The following CASD1 variants were observed in gnomAD, a reference collection of about 807,000 sequenced individuals.
CASD1 encodes the protein CAS1 domain sialic acid O acetyltransferase 1.
A neutral mutation model predicts 100.0 loss-of-function variants in CASD1; 41 were observed. The observed-to-expected ratio is 0.41, with a 90% CI of 0.32 to 0.53. CASD1 has a LOEUF of 0.53. Ranked by LOEUF, CASD1 falls within the 20% of genes least tolerant of loss-of-function variation. The pLI is 0.25. For missense variants in CASD1, 774 were observed against 948.7 expected, an observed-to-expected ratio of 0.82 and a Z score of 2.42; for synonymous variants, 321 against 315.6, an observed-to-expected ratio of 1.02 and a Z score of -0.18.
chr7:94,539,241 T>A (rs967030022), intron 10 of CASD1, among the ~76,000 whole-genome samples, 185 bp downstream of exon 10: 1 of 152,108 alleles, frequency 6.6e-6, no homozygotes, highest in African/African-American at 2.4e-5. Context: ...CAAAGCAAAA[T>A]TTTTTTTAAA....
intron 3 of CASD1, among the ~76,000 whole-genome samples, chr7:94,520,231 T>C (rs1247774967): frequency 6.6e-6 from 1 of 152,220 alleles, no homozygotes. Flanking sequence ...AAATTACATA[T>C]CATCATTATT....
chr7:94,530,036 C>T (rs935878113), intron 5 of CASD1, among the ~76,000 whole-genome samples: 15 of 152,010 alleles, frequency 9.9e-5, no homozygotes, highest in Non-Finnish European at 1.3e-4. Flanking sequence ...CACTGGTTAA[C>T]GTTATAGAGA....
chr7:94,581,098 C>T, the CASD1 span, among the ~76,000 whole-genome samples: 1 of 152,136 alleles, frequency 6.6e-6, no homozygotes, highest in African/African-American at 2.4e-5. Context: ...TGAAAAATAT[C>T]ACTCTCCTAG....
the CASD1 span, among the ~76,000 whole-genome samples, chr7:94,594,927 A>G: frequency 6.6e-6 from 1 of 152,114 alleles, no homozygotes; most frequent in Non-Finnish European, 1.5e-5. Context: ...GGCATGTGCT[A>G]CATCTCCAGG....
At chr7:94,596,850 T>A in the CASD1 span, among the ~76,000 whole-genome samples, 1 of 152,128 alleles carries the variant, frequency 6.6e-6, no homozygotes, top group Non-Finnish European at 1.5e-5. Context: ...GAAGGATATC[T>A]GTCAACATTT....
chr7:94,618,258 A>T, the CASD1 span: 18 of 157,238 alleles, frequency 1.1e-4, no homozygotes, highest in Non-Finnish European at 2.1e-4. Context: ...GGGTTTGCCC[A>T]GTGTCACCCA....
intron 1 of CASD1, among the ~76,000 whole-genome samples, chr7:94,516,445 A>G (rs1197986072): frequency 2.6e-5 from 4 of 152,248 alleles, no homozygotes; most frequent in Non-Finnish European, 4.4e-5. Context: ...CCTTATCTCT[A>G]CCCTGAAATG....
chr7:94,513,008 C>T (rs1221374530), intron 1 of CASD1, among the ~76,000 whole-genome samples: 1 of 152,160 alleles, frequency 6.6e-6, no homozygotes, highest in Non-Finnish European at 1.5e-5. Flanking sequence ...AGGGAGAAAG[C>T]ATTTTCCAGG....
intron 17 of CASD1, among the ~76,000 whole-genome samples, chr7:94,554,905 A>G (rs962859620): frequency 6.6e-6 from 1 of 152,084 alleles, no homozygotes; most frequent in South Asian, 2.1e-4. Context: ...AATGAAATCA[A>G]ACTGAGGGGA....
At chr7:94,590,422 TTAAGAA>T in the CASD1 span, 4 of 152,132 alleles carry the variant, frequency 2.6e-5, no homozygotes, top group African/African-American at 7.2e-5. Context: ...CCAAAGTATA[TTAAGAA>T]TAAGAACCAT....
chr7:94,580,343 C>A, the CASD1 span, among the ~76,000 whole-genome samples: 1 of 151,910 alleles, frequency 6.6e-6, no homozygotes, highest in Non-Finnish European at 1.5e-5. Flanking sequence ...TTCGTTACTG[C>A]GGCTACACTG....
At chr7:94,532,905 G>T (rs1794920535) in intron 5 of CASD1, among the ~76,000 whole-genome samples, 1 of 152,012 alleles carries the variant, frequency 6.6e-6, no homozygotes, top group Non-Finnish European at 1.5e-5. Flanking sequence ...TTTACTCAGA[G>T]TTCAGAATAT....
At chr7:94,560,267 T>C (rs373281674), downstream of CASD1, among the ~76,000 whole-genome samples, 1 of 152,188 alleles carries the variant, frequency 6.6e-6, no homozygotes, top group South Asian at 2.1e-4. Flanking sequence ...GAGAAAATAG[T>C]GGCAGTTATT....
At chr7:94,537,920 A>G (rs1795196816) in intron 9 of CASD1, 26 bp downstream of exon 9, 1 of 1,259,784 alleles carries the variant, frequency 7.9e-7, no homozygotes, top group East Asian at 2.3e-5. Flanking sequence ...TTTTTAACTC[A>G]TGTTACCCTT....
rs1045403136 is a variant in CASD1 at position 94,537,366 on chromosome 7, G to A, written c.844-106G>A. 21 of 952,546 alleles carry A rather than the reference G, an allele frequency of 2.2e-5. No individual in the cohort carries two copies. The East Asian group carries it at 4.8e-4, about 22-fold the overall frequency. 59.0% of individuals were successfully genotyped at this position (952,546 alleles called of 1,614,324 possible). The stretch of plus-strand genomic sequence containing the variant: ...GGAAATGGTAGCAAAAGATACGAAA[G>A]CATTCTGGTTTCAGTGCTAAAAACT... On this transcript the variant is annotated intron_variant, in intron 8 of 17. Transcript: ENST00000297273.
chr7:94,572,153 T>A, the CASD1 span, among the ~76,000 whole-genome samples: 1 of 150,910 alleles, frequency 6.6e-6, no homozygotes, highest in Non-Finnish European at 1.5e-5. Flanking sequence ...TCAGGGTTGA[T>A]CTTCTCCTGG....
the CASD1 span, among the ~76,000 whole-genome samples, chr7:94,604,847 ATATATATATAT>A: frequency 5.8e-4 from 47 of 80,936 alleles, no homozygotes; most frequent in Non-Finnish European, 1.0e-3. Flanking sequence ...ATATATATAT[ATATATATATAT>A]AATAGTTGTT....
At chr7:94,628,571 A>G in the CASD1 span, 5 of 543,988 alleles carry the variant, frequency 9.2e-6, no homozygotes, top group Non-Finnish European at 9.9e-6. Context: ...ATCTGATGCA[A>G]CAAAGAAAGC....
the CASD1 span, among the ~76,000 whole-genome samples, chr7:94,581,251 TAAA>T: frequency 6.6e-6 from 1 of 152,306 alleles, no homozygotes; most frequent in African/African-American, 2.4e-5. Flanking sequence ...TGGTACCAAC[TAAA>T]AATCTCACTG....
Sources: allele counts gnomAD v4.1 joint callset (sites outside exome capture counted in the v4.1 genomes callset), GRCh38; gene constraint gnomAD v4.1.1; transcripts MANE v1.5; gene names NCBI Gene and HGNC (gene_info 2026-07-23, HGNC 2026-07-21).